USP19: variants seen among roughly 807,000 people sequenced by gnomAD.
USP19 encodes ubiquitin specific peptidase 19, also known as ubiquitin carboxyl-terminal hydrolase 19.
In USP19, 40 loss-of-function variants were observed where a neutral mutation model predicts 144.8. The observed-to-expected ratio is 0.28, with a 90% CI of 0.21 to 0.36. The LOEUF (loss-of-function observed/expected upper bound fraction) is 0.36. USP19 is among the 10% of genes least tolerant of loss of function. The pLI is 1.00. For missense variants in USP19, 1,518 were observed against 1,822.5 expected (o/e 0.83, Z 3.04); for synonymous variants, 701 against 709.3 (o/e 0.99, Z 0.19).
chr3:49,117,184 C>T lies in USP19; in HGVS notation c.784G>A (p.Ala262Thr). The change falls in exon 6 of 27, where the codon GCC (alanine) becomes ACC (threonine). Residue 262 changes from alanine to threonine, a missense_variant. Coordinates refer to ENST00000417901, the MANE Select transcript of USP19 (RefSeq NM_001199161.2). The surrounding 1 kb of genome is among the most constrained non-coding windows in gnomAD (Gnocchi z 4.4). ...CTCTTGGCGCTGGGCCCTGCCTGGG[C>T]CCCGGGGCCAGCCCCTGCGCCTACC... ...GEVGAGAGPG[A>T]QAGPSAKRAV... The T allele has an allele frequency of 1.9e-6, 3 of 1,547,894 alleles. No homozygotes were observed. The highest frequency in any genetic ancestry group is 1.2e-5 in the South Asian group (1 of 84,230).
chr3:49,109,859 G>A (rs2042875944), intron 26 of USP19, among the ~76,000 whole-genome samples: 1 of 152,254 alleles, frequency 6.6e-6, no homozygotes, highest in Non-Finnish European at 1.5e-5. Context: ...TGGGGAATGT[G>A]CAGAGGAAAT....
In USP19 at chr3:49,114,935, C is replaced by T; in HGVS notation, c.2181+24G>A. On this transcript the variant is annotated intron_variant, in intron 14 of 26. Transcript: ENST00000417901. The surrounding 1 kb of genome is among the most constrained non-coding windows in gnomAD (Gnocchi z 4.5). ...GGGCTGGGATGCTCATGAGACATGC[C>T]CACCCTCTGTCCCTAACCCTGACCT... 6.2e-7 allele frequency: 1 copy of T among 1,614,152 alleles called. No homozygotes were observed. The highest frequency in any genetic ancestry group is 1.1e-5 in the South Asian group (1 of 91,082).
In USP19 at chr3:49,108,338, AAGG is replaced by A. The variant is rs1335682021; in HGVS notation, c.*71_*73del. 5 of 489,606 alleles carry A rather than the reference AAGG, an allele frequency of 1.0e-5. No homozygotes were observed. The highest frequency in any genetic ancestry group is 4.7e-5 in the East Asian group (1 of 21,342). 30.3% of individuals were successfully genotyped at this position (489,606 alleles called of 1,614,324 possible). Reference sequence around the variant, plus strand: ...AGAGCCAGTGTCCTCTGGGTTAGAGAAGGAGAAGCGGCAAGGAGCTGGCCCTCT... The same window carrying A: ...AGAGCCAGTGTCCTCTGGGTTAGAGAAGAAGCGGCAAGGAGCTGGCCCTCT... On this transcript the variant is annotated 3_prime_UTR_variant, in exon 27 of 27. Coordinates refer to ENST00000417901, the MANE Select transcript of USP19 (RefSeq NM_001199161.2). The surrounding 1 kb of genome is among the most constrained non-coding windows in gnomAD (Gnocchi z 4.8).
chr3:49,108,600 T>TAAA lies in USP19; in HGVS notation c.4039-73_4039-72insTTT, dbSNP rs2042671286. 1 of 1,230,856 alleles carries TAAA rather than the reference T, an allele frequency of 8.1e-7. No individual in the cohort carries two copies. The highest frequency in any genetic ancestry group is 1.6e-5 in the African/African-American group (1 of 63,380). The allele number at this position is 1,230,856 out of a possible 1,614,324, so 76.2% of individuals were successfully genotyped here. The stretch of plus-strand genomic sequence containing the variant: ...GCCTGGCATCCCGGGGGTGCTGGCT[T>TAAA]GGAGCCCTGGCACCCAAGGGAGGGT... On this transcript the variant is annotated intron_variant, in intron 26 of 26. Transcript: ENST00000417901. The surrounding 1 kb of genome is among the most constrained non-coding windows in gnomAD (Gnocchi z 4.8).
chr3:49,115,372 T>C lies in USP19; in HGVS notation c.1889-11A>G. On this transcript the variant is annotated splice_polypyrimidine_tract_variant and intron_variant, in intron 12 of 26. Transcript: ENST00000417901. The surrounding 1 kb of genome is among the most constrained non-coding windows in gnomAD (Gnocchi z 6.6). Reference sequence around the variant, plus strand: ...CCTCAAAGGAGCGGTCTAGGAATAGTAGCCGAGCAAAGGTGTGAGGAACAA... The same window carrying C: ...CCTCAAAGGAGCGGTCTAGGAATAGCAGCCGAGCAAAGGTGTGAGGAACAA... 2 of 1,613,782 alleles carry C rather than the reference T, an allele frequency of 1.2e-6. No individual in the cohort carries two copies. Among genetic ancestry groups the C allele is most frequent in the East Asian group, 4.5e-5 (2 of 44,884 alleles).
At chr3:49,109,131 A>G in intron 26 of USP19, 1 of 1,539,208 alleles carries the variant, frequency 6.5e-7, no homozygotes. Context: ...AGGGGCCCAG[A>G]CCCCTCAGGC....
rs542510636 is a variant in USP19, at chr3:49,119,147, T to C, written c.-2A>G. 1 of 1,611,018 alleles carries C rather than the reference T, an allele frequency of 6.2e-7. No individual in the cohort carries two copies. Among genetic ancestry groups the C allele is most frequent in the Non-Finnish European group, 8.5e-7 (1 of 1,178,892 alleles). On this transcript the variant is annotated 5_prime_UTR_variant, in exon 2 of 27. Coordinates refer to ENST00000417901, the MANE Select transcript of USP19 (RefSeq NM_001199161.2). ...TGTGGCACTGGCCCCGCCAGACATC[T>C]TGAGCCGCTTGGTCGACAGCCAGAG...
In USP19 at chr3:49,111,603, C is replaced by G; in HGVS notation, c.3114G>C (p.Arg1038=). ...GLPRVWAAPD[R]GPVPSTSGIS... ...TTCCACTGGTGCTGGGCACAGGACC[C>G]CGGTCAGGGGCTGCCCACACCCGGG... is the stretch of plus-strand genomic sequence containing the variant. Residue 1038 remains arginine (R), a synonymous_variant, in exon 21 of 27, where the codon CGG becomes CGC. Transcript: ENST00000417901. This position sits in a 1 kb window ranked among gnomAD's most constrained non-coding sequence, Gnocchi z 5.9. 2 of 1,612,370 alleles carry G rather than the reference C, an allele frequency of 1.2e-6. No individual in the cohort carries two copies. The highest frequency in any genetic ancestry group is 2.2e-5 in the South Asian group (2 of 90,944).
In USP19 at chr3:49,114,075, T is replaced by G; in HGVS notation, c.2422A>C (p.Lys808Gln). The change falls in exon 17 of 27, where the codon AAG (lysine) becomes CAG (glutamine). Residue 808 changes from lysine (K) to glutamine (Q), a missense_variant. Lys to Gln is a moderately conservative substitution (Grantham distance 53). Around this residue, in one of 5 missense-constraint regions of USP19, gnomAD observed 413 missense variants for 515.8 expected, o/e 0.80. Coordinates refer to ENST00000417901, the MANE Select transcript of USP19 (RefSeq NM_001199161.2). This position sits in a 1 kb window ranked among gnomAD's most constrained non-coding sequence, Gnocchi z 4.5. ...ACTTCGCTCGCAGTGGAGTTCTCCT[T>G]GCTGACGCTCACCAGGAACTGTGGC... ...KPIKFLVSVS[K>Q]ENSTASEVLD... 6.2e-7 allele frequency: 1 copy of G among 1,614,206 alleles called. No individual in the cohort carries two copies. The highest frequency in any genetic ancestry group is 8.5e-7 in the Non-Finnish European group (1 of 1,180,028).
At position 49,114,349 on chromosome 3, in the gene USP19, G is replaced by C. The variant is rs1330355670; in HGVS notation, c.2293-65C>G. 1 of 1,514,908 alleles carries C rather than the reference G, an allele frequency of 6.6e-7. No homozygotes were observed. Among genetic ancestry groups the C allele is most frequent in the African/African-American group, 1.4e-5 (1 of 72,622 alleles). The allele number at this position is 1,514,908 out of a possible 1,614,324, so 93.8% of individuals were successfully genotyped here. ...GTGGGAGATAAGATGCTCATGCTCA[G>C]AGAGCCCATTCCGGGGCTTCTGATG... On this transcript the variant is annotated intron_variant, in intron 15 of 26. Coordinates refer to ENST00000417901, the MANE Select transcript of USP19 (RefSeq NM_001199161.2). This position sits in a 1 kb window ranked among gnomAD's most constrained non-coding sequence, Gnocchi z 4.5.
Position 49,111,813 on chromosome 3 carries a change from C to A in USP19, c.2904G>T (p.Arg968=). The change falls in exon 21 of 27, where the codon CGG becomes CGT. Residue 968 remains arginine, a splice_region_variant and synonymous_variant. Transcript: ENST00000417901. The surrounding 1 kb of genome is among the most constrained non-coding windows in gnomAD (Gnocchi z 5.9). ...GTGGCTGGAATACACTCACAGAGTA[C>A]CTGGCAACAGAGAACAACGCAAGTA... is the stretch of plus-strand genomic sequence containing the variant. ...RLAQLLEGYA[R]YSVSVFQPPF... is the part of the protein sequence containing the mutation. The A allele has an allele frequency of 1.9e-6, 3 of 1,570,998 alleles. No individual in the cohort carries two copies. In the South Asian group the frequency reaches 3.6e-5, roughly 19 times the overall value.
In USP19 at chr3:49,117,283, G is replaced by A; in HGVS notation, c.685C>T (p.Leu229=). Reference sequence around the variant, plus strand: ...CGGTGGGGCTCAGGGCCTGGCTCCAGGGCAATGGGAGACAGTTCCTGCCCA... The same window carrying A: ...CGGTGGGGCTCAGGGCCTGGCTCCAAGGCAATGGGAGACAGTTCCTGCCCA... ...ENGQELSPIA[L]EPGPEPHRAK... is the part of the protein sequence containing the mutation. Residue 229 remains leucine (L), a synonymous_variant, in exon 6 of 27, where the codon CTG becomes TTG. Coordinates refer to ENST00000417901, the MANE Select transcript of USP19 (RefSeq NM_001199161.2). This position sits in a 1 kb window ranked among gnomAD's most constrained non-coding sequence, Gnocchi z 4.4. The A allele has an allele frequency of 6.3e-7, 1 of 1,575,908 alleles. No homozygotes were observed. The highest frequency in any genetic ancestry group is 8.6e-7 in the Non-Finnish European group (1 of 1,160,200).
At position 49,109,118 on chromosome 3, in the gene USP19, C is replaced by T. The variant is rs1377990048; in HGVS notation, c.4039-590G>A. 7 of 1,558,630 alleles carry T rather than the reference C, an allele frequency of 4.5e-6. No homozygotes were observed. In the South Asian group the frequency reaches 8.2e-5, roughly 18 times the overall value. ...CACCCAGTCTTGGGGCCCCCAGGGACCCAGGGGCCCAGACCCCTCAGGCAC... is the reference window on the plus strand; with the variant it reads ...CACCCAGTCTTGGGGCCCCCAGGGATCCAGGGGCCCAGACCCCTCAGGCAC... On this transcript the variant is annotated intron_variant, in intron 26 of 26. Transcript: ENST00000417901.
Position 49,112,140 on chromosome 3 carries a change from C to T in USP19, c.2766-92G>A, listed in dbSNP as rs1479401969. On this transcript the variant is annotated intron_variant, in intron 19 of 26. Transcript: ENST00000417901. The surrounding 1 kb of genome is among the most constrained non-coding windows in gnomAD (Gnocchi z 4.9). ...AGTCATAGTCCCTGGGAACTGGGTA[C>T]GCCAGCCCTGCCTCCCCCAGAGCCT... 19 of 1,557,960 alleles carry T rather than the reference C, an allele frequency of 1.2e-5. No homozygotes were observed. The highest frequency in any genetic ancestry group is 1.8e-4 in the Middle Eastern group (1 of 5,490).
intron 2 of USP19, among the ~76,000 whole-genome samples, chr3:49,118,324 T>C (rs559844177): frequency 6.6e-6 from 1 of 151,248 alleles, no homozygotes; most frequent in African/African-American, 2.4e-5. Flanking sequence ...TCCCAGCACT[T>C]TGAGAGGCCG....
Position 49,111,066 on chromosome 3 carries a change from C to G in USP19, c.3429G>C (p.Leu1143=), listed in dbSNP as rs1455818339. ...CAGAGCCTGGATCCTCAGCACATTCCAGCTCCTTGGAGGCTACCAACACAA... is the reference window on the plus strand; with the variant it reads ...CAGAGCCTGGATCCTCAGCACATTCGAGCTCCTTGGAGGCTACCAACACAA... The part of the protein sequence containing the change: ...QEFVLVASKE[L]ECAEDPGSAG... The change falls in exon 23 of 27, where the codon CTG becomes CTC. Residue 1143 remains leucine (L), a synonymous_variant. Transcript: ENST00000417901. The surrounding 1 kb of genome is among the most constrained non-coding windows in gnomAD (Gnocchi z 5.9). 6.2e-7 allele frequency: 1 copy of G among 1,614,092 alleles called. No individual in the cohort carries two copies. The highest frequency in any genetic ancestry group is 8.5e-7 in the Non-Finnish European group (1 of 1,180,042).
At position 49,116,805 on chromosome 3, in the gene USP19, G is replaced by A. The variant is rs151142489; in HGVS notation, c.1048C>T (p.Arg350Trp). 2,030 of 1,613,810 alleles carry A rather than the reference G, an allele frequency of 1.3e-3. 6 individuals are homozygous for A. Among genetic ancestry groups the A allele is most frequent in the Non-Finnish European group, 1.2e-3 (1,363 of 1,179,980 alleles). Residue 350 changes from arginine (R) to tryptophan (W), a missense_variant, in exon 7 of 27, where the codon CGG becomes TGG. Physicochemically the swap from Arg to Trp is moderately radical, Grantham distance 101. This residue lies in a region of USP19 where 707 missense variants were observed against 728.9 expected (regional missense o/e 0.97). Coordinates refer to ENST00000417901, the MANE Select transcript of USP19 (RefSeq NM_001199161.2). This position sits in a 1 kb window ranked among gnomAD's most constrained non-coding sequence, Gnocchi z 5.0. ...TCATCTTTCCCAGGGTTTCTGCTCC[G>A]GACCATGGCTGGAGAGACTGGGTCA... ...GNDPVSPAMV[R>W]SRNPGKDDCA...
Position 49,111,551 on chromosome 3 carries a change from G to T in USP19, c.3166C>A (p.Pro1056Thr). ...GISSEMLASG[P>T]IEVGSLPAGE... ...GCTGGCAAGGAGCCAACCTCAATGG[G>T]CCCACTGGCCAGCATCTCAGAAGAA... Residue 1056 changes from proline (P) to threonine (T), a missense_variant, in exon 21 of 27, where the codon CCC (proline) becomes ACC (threonine). Around this residue, in one of 5 missense-constraint regions of USP19, gnomAD observed 413 missense variants for 515.8 expected, o/e 0.80. Transcript: ENST00000417901. This position sits in a 1 kb window ranked among gnomAD's most constrained non-coding sequence, Gnocchi z 5.9. 6.2e-7 allele frequency: 1 copy of T among 1,612,640 alleles called. No individual in the cohort carries two copies. The highest frequency in any genetic ancestry group is 8.5e-7 in the Non-Finnish European group (1 of 1,180,024).
rs774411604 is a variant in USP19 at position 49,116,238 on chromosome 3, C to T, written c.1355+42G>A. ...AGATGAGCCAGGGAGATGGAGCCCA[C>T]GGGGTAGGACAGGCACAGTGGTGGG... On this transcript the variant is annotated intron_variant, in intron 9 of 26. Transcript: ENST00000417901. The surrounding 1 kb of genome is among the most constrained non-coding windows in gnomAD (Gnocchi z 5.0). 3.7e-6 allele frequency: 6 copies of T among 1,613,476 alleles called. No individual in the cohort carries two copies. Among genetic ancestry groups the T allele is most frequent in the African/African-American group, 2.7e-5 (2 of 75,014 alleles).
Sources: allele counts gnomAD v4.1 joint callset (sites outside exome capture counted in the v4.1 genomes callset), GRCh38; gene constraint gnomAD v4.1.1; regional missense constraint gnomAD v4.1.1; non-coding constraint Gnocchi (gnomAD v3.1); transcripts MANE v1.5; gene names NCBI Gene and HGNC (gene_info 2026-07-23, HGNC 2026-07-21).